Variants in LMTK2 observed in about 807,000 individuals in gnomAD.
LMTK2 encodes serine/threonine-protein kinase LMTK2.
Under a neutral mutation model 127.5 loss-of-function variants are expected in LMTK2, and 37 were observed. The observed-to-expected ratio is 0.29, with a 90% CI of 0.22 to 0.38. The LOEUF (loss-of-function observed/expected upper bound fraction) is 0.38, where lower values mean the gene tolerates loss of function less well. Ranked by LOEUF, LMTK2 falls within the 10% of genes least tolerant of loss-of-function variation. The pLI, the probability that LMTK2 is intolerant of heterozygous loss-of-function variation, is 1.00. For missense variants in LMTK2, 1,694 were observed against 1,920.3 expected, an observed-to-expected ratio of 0.88 and a Z score of 2.20; for synonymous variants, 819 against 810.1, an observed-to-expected ratio of 1.01 and a Z score of -0.19.
chr7:98,111,752 G>C (rs1453338180), intron 1 of LMTK2, among the ~76,000 whole-genome samples: 1 of 152,212 alleles, frequency 6.6e-6, no homozygotes, highest in East Asian at 1.9e-4. Flanking sequence ...GCTCAAAGTG[G>C]TAGCTGCGTA....
intron 12 of LMTK2, 105 bp downstream of exon 12, chr7:98,203,811 T>G: frequency 1.3e-6 from 2 of 1,571,094 alleles, no homozygotes; most frequent in South Asian, 2.2e-5. Flanking sequence ...CCCCCTGACA[T>G]GGGCACAGAA....
At position 98,192,781 on chromosome 7, in the gene LMTK2, G is replaced by T. The variant is rs766000131; in HGVS notation, c.2316G>T (p.Gln772His). Residue 772 changes from glutamine to histidine, a missense_variant, in exon 11 of 14, where the codon CAG (glutamine) becomes CAT (histidine). Around this residue, in one of 8 missense-constraint regions of LMTK2, gnomAD observed 527 missense variants for 539.8 expected, o/e 0.98. Transcript: ENST00000297293. ...SCRNSLDTEL[Q>H]FAENKPGLSL... Reference sequence around the variant, plus strand: ...GAAACTCTTTAGATACTGAGCTTCAGTTTGCTGAAAATAAGCCAGGCTTGT... The same window carrying T: ...GAAACTCTTTAGATACTGAGCTTCATTTTGCTGAAAATAAGCCAGGCTTGT... 1.2e-6 allele frequency: 2 copies of T among 1,613,894 alleles called. No individual in the cohort carries two copies. Among genetic ancestry groups the T allele is most frequent in the Non-Finnish European group, 1.7e-6 (2 of 1,179,856 alleles).
intron 11 of LMTK2, among the ~76,000 whole-genome samples, chr7:98,199,835 T>A (rs933261555): frequency 1.3e-5 from 2 of 152,194 alleles, no homozygotes; most frequent in African/African-American, 4.8e-5. Flanking sequence ...ATCTTTTGCA[T>A]CCTTTTACTT....
intron 6 of LMTK2, among the ~76,000 whole-genome samples, chr7:98,160,685 G>A (rs546047239): frequency 1.3e-5 from 2 of 152,056 alleles, no homozygotes; most frequent in Non-Finnish European, 2.9e-5. Context: ...TGTGGAGGGG[G>A]TTTGAGTCAG....
chr7:98,203,629 T>C lies in LMTK2; in HGVS notation c.4163T>C (p.Leu1388Pro). 2 of 1,613,118 alleles carry C rather than the reference T, an allele frequency of 1.2e-6. No homozygotes were observed. Among genetic ancestry groups the C allele is most frequent in the Non-Finnish European group, 1.7e-6 (2 of 1,179,792 alleles). The stretch of plus-strand genomic sequence containing the variant: ...GGAGGAGAGGCGTGCGGCCCGGACC[T>C]GAGCGGCCCAGCCCCAGCCTCAGGC... Reference protein sequence around the residue: ...PCGGEACGPDLSGPAPASGSP... With the variant: ...PCGGEACGPDPSGPAPASGSP... Residue 1388 changes from leucine to proline, a missense_variant, in exon 12 of 14, where the codon CTG becomes CCG. Physicochemically the swap from Leu to Pro is moderately conservative, Grantham distance 98. Around this residue, in one of 8 missense-constraint regions of LMTK2, gnomAD observed 554 missense variants for 567.7 expected, o/e 0.98. Coordinates refer to ENST00000297293, the MANE Select transcript of LMTK2 (RefSeq NM_014916.4).
chr7:98,204,783 A>G (rs1156740496), intron 13 of LMTK2, among the ~76,000 whole-genome samples: 3 of 152,218 alleles, frequency 2.0e-5, no homozygotes, highest in Admixed American at 6.5e-5. Context: ...GCTGCGCGCC[A>G]TCTCCTCTTT....
At chr7:98,125,955 G>A (rs747085158) in intron 1 of LMTK2, among the ~76,000 whole-genome samples, 8 of 152,088 alleles carry the variant, frequency 5.3e-5, no homozygotes, top group South Asian at 2.1e-4. Flanking sequence ...TAGTAGCACC[G>A]GGTACTTCCT....
chr7:98,194,389 C>G lies in LMTK2; in HGVS notation c.3924C>G (p.Ser1308=). Residue 1308 remains serine (S), a synonymous_variant, in exon 11 of 14, where the codon TCC becomes TCG. Coordinates refer to ENST00000297293, the MANE Select transcript of LMTK2 (RefSeq NM_014916.4). This position sits in a 1 kb window ranked among gnomAD's most constrained non-coding sequence, Gnocchi z 5.4. ...CCTTCAACCTGCATAGCCTCAGCTC[C>G]GAGTCGGAGGACGAGACCGAGCACC... is the stretch of plus-strand genomic sequence containing the variant. ...LRAFNLHSLS[S]ESEDETEHPV... is the part of the protein sequence containing the mutation. The G allele has an allele frequency of 1.2e-6, 2 of 1,614,164 alleles. No homozygotes were observed. Among genetic ancestry groups the G allele is most frequent in the South Asian group, 2.2e-5 (2 of 91,084 alleles).
At chr7:98,182,082 C>G (rs970560127) in intron 7 of LMTK2, among the ~76,000 whole-genome samples, 5 of 152,144 alleles carry the variant, frequency 3.3e-5, no homozygotes, top group Non-Finnish European at 7.4e-5. Flanking sequence ...TTAACTAACA[C>G]CATATACAAA....
chr7:98,113,369 G>A (rs1796231938), intron 1 of LMTK2, among the ~76,000 whole-genome samples: 1 of 152,142 alleles, frequency 6.6e-6, no homozygotes, highest in African/African-American at 2.4e-5. Context: ...GGAACTGTGA[G>A]TCAATTAAAC....
intron 13 of LMTK2, 34 bp from the exon 14 acceptor site, chr7:98,205,430 A>G: frequency 6.2e-7 from 1 of 1,613,600 alleles, no homozygotes; most frequent in Non-Finnish European, 8.5e-7. Context: ...TTAAAAACCC[A>G]GCTTTGTCGT....
At chr7:98,180,766 A>G (rs1178013486) in intron 7 of LMTK2, among the ~76,000 whole-genome samples, 3 of 152,122 alleles carry the variant, frequency 2.0e-5, no homozygotes, top group African/African-American at 7.2e-5. Flanking sequence ...TTTACTTATA[A>G]CAGACTATTA....
chr7:98,109,601 G>A (rs1248423656), intron 1 of LMTK2, among the ~76,000 whole-genome samples: 2 of 151,926 alleles, frequency 1.3e-5, no homozygotes, highest in African/African-American at 4.8e-5. Flanking sequence ...AAAATTAGCC[G>A]TGCGTGGTGG....
intron 8 of LMTK2, 128 bp from the exon 9 acceptor site, chr7:98,186,749 C>A: frequency 1.3e-6 from 1 of 792,116 alleles, no homozygotes; most frequent in Non-Finnish European, 1.9e-6. Flanking sequence ...ACTCTTCATG[C>A]CTGCTTTTTT....
chr7:98,116,414 GTGTGTTTGTGCGTGTGTGTGTGTGTT>G (rs1796285605), intron 1 of LMTK2, among the ~76,000 whole-genome samples: 1 of 150,178 alleles, frequency 6.7e-6, no homozygotes, highest in Non-Finnish European at 1.5e-5. Context: ...GTGCATGTGC[GTGTGTTTGTGCGTGTGTGTGTGTGTT>G]TGTGTCCGCG....
intron 11 of LMTK2, among the ~76,000 whole-genome samples, chr7:98,202,897 C>T (rs1318494863): frequency 2.0e-5 from 3 of 152,136 alleles, no homozygotes; most frequent in African/African-American, 4.8e-5. Context: ...AAAGTTGAGG[C>T]TTTAGTTACA....
Position 98,203,863 on chromosome 7 carries a change from C to G in LMTK2, c.4241-81C>G, listed in dbSNP as rs576905030. The G allele has an allele frequency of 1.2e-4, 192 of 1,587,960 alleles. 1 individual carries two copies. The highest frequency in any genetic ancestry group is 8.4e-4 in the Middle Eastern group (5 of 5,952). On this transcript the variant is annotated intron_variant, in intron 12 of 13. Coordinates refer to ENST00000297293, the MANE Select transcript of LMTK2 (RefSeq NM_014916.4). ...GGGCCGGGCTGTGTCTTCCGACCTG[C>G]AGGGCGCACCTGCCCAGAGGCTCCC...
intron 11 of LMTK2, among the ~76,000 whole-genome samples, chr7:98,200,806 T>G (rs1466622550): frequency 6.6e-6 from 1 of 152,132 alleles, no homozygotes. Flanking sequence ...TGTTATACTG[T>G]ATTATTTATT....
At chr7:98,164,262 G>A (rs1797058877) in intron 6 of LMTK2, among the ~76,000 whole-genome samples, 1 of 152,218 alleles carries the variant, frequency 6.6e-6, no homozygotes, top group African/African-American at 2.4e-5. Context: ...CCGCTCTCAC[G>A]TGAATATCAA....
Sources: allele counts gnomAD v4.1 joint callset (sites outside exome capture counted in the v4.1 genomes callset), GRCh38; gene constraint gnomAD v4.1.1; regional missense constraint gnomAD v4.1.1; non-coding constraint Gnocchi (gnomAD v3.1); transcripts MANE v1.5; gene names NCBI Gene and HGNC (gene_info 2026-07-23, HGNC 2026-07-21).